GTF3A: variants seen among roughly 807,000 people sequenced by gnomAD.
GTF3A encodes general transcription factor IIIA.
GTF3A carries 40 observed loss-of-function variants against 37.6 expected under a neutral mutation model. The observed-to-expected ratio is 1.06, with a 90% CI of 0.83 to 1.38. The LOEUF (loss-of-function observed/expected upper bound fraction) is 1.38. Among genes scored for constraint, GTF3A ranks in the 40% most tolerant of loss-of-function variants. The pLI is 0.00. For missense variants in GTF3A, 500 were observed against 462.6 expected, an observed-to-expected ratio of 1.08 and a Z score of -0.74; for synonymous variants, 191 against 166.7, an observed-to-expected ratio of 1.15 and a Z score of -1.12.
chr13:27,434,977 G>A lies in GTF3A; in HGVS notation c.816G>A (p.Glu272=). Residue 272 remains glutamate, a synonymous_variant, in exon 7 of 9, where the codon GAG becomes GAA. Transcript: ENST00000381140. The stretch of plus-strand genomic sequence containing the variant: ...AAAGCCATATCCTCTCCTTCCATGA[G>A]GAAAGCCGCCCTTTTGTGTGTGAAC... 3 of 1,612,644 alleles carry A rather than the reference G, an allele frequency of 1.9e-6. No individual in the cohort carries two copies. Among genetic ancestry groups the A allele is most frequent in the Non-Finnish European group, 2.5e-6 (3 of 1,178,656 alleles).
Position 27,435,691 on chromosome 13 carries a change from T to A in GTF3A, c.*94T>A. 1 of 1,614,010 alleles carries A rather than the reference T, an allele frequency of 6.2e-7. No individual in the cohort carries two copies. On this transcript the variant is annotated 3_prime_UTR_variant, in exon 9 of 9. Transcript: ENST00000381140. Reference sequence around the variant, plus strand: ...TTATTAAAATTACTGATGCAGAACATTTGATTCCTTATCATTTCCATGGTC... The same window carrying A: ...TTATTAAAATTACTGATGCAGAACAATTGATTCCTTATCATTTCCATGGTC...
In GTF3A at chr13:27,434,641, A is replaced by G. The variant is rs142060662; in HGVS notation, c.644-164A>G. The stretch of plus-strand genomic sequence containing the variant: ...TTAAGAACTTCAGAGAATTGAGACA[A>G]ACTTCCTAGGTGATAAAAACTGGGG... On this transcript the variant is annotated intron_variant, in intron 6 of 8. Coordinates refer to ENST00000381140, the MANE Select transcript of GTF3A (RefSeq NM_002097.3). 1.8e-4 allele frequency: 107 copies of G among 585,316 alleles called. No homozygotes were observed. In the East Asian group the frequency reaches 2.9e-3, roughly 16 times the overall value. The allele number at this position is 585,316 out of a possible 1,614,324, so 36.3% of individuals were successfully genotyped here.
chr13:27,424,938 G>A lies in GTF3A; in HGVS notation c.201G>A (p.Glu67=). ...CGCACCTGTGCAAGCACACGGGGGA[G>A]GTGAGGGGGGCGAGGCTGCCAACCC... Residue 67 remains glutamate (E), a splice_region_variant and synonymous_variant, in exon 1 of 9, where the codon GAG becomes GAA. Coordinates refer to ENST00000381140, the MANE Select transcript of GTF3A (RefSeq NM_002097.3). 1 of 1,544,004 alleles carries A rather than the reference G, an allele frequency of 6.5e-7. No homozygotes were observed. Among genetic ancestry groups the A allele is most frequent in the South Asian group, 1.2e-5 (1 of 82,858 alleles).
chr13:27,433,539 T>TC (rs1953678467), intron 5 of GTF3A, among the ~76,000 whole-genome samples: 3 of 3,676 alleles, frequency 8.2e-4, no homozygotes, highest in African/African-American at 1.6e-3. Context: ...AAAAAAAACT[T>TC]TTTTTTTTTT....
chr13:27,429,867 CAGT>C lies in GTF3A; in HGVS notation c.303-2_303del. ...ATATTTTGGTTTATATAACTTCTTA[CAGT>C]TGTGCAGCCAATGGCTGTGATCAAA... On this transcript the variant is annotated splice_acceptor_variant and coding_sequence_variant, in exon 3 of 9. Coordinates refer to ENST00000381140, the MANE Select transcript of GTF3A (RefSeq NM_002097.3). LOFTEE classifies it high-confidence loss of function. 2 of 1,498,750 alleles carry C rather than the reference CAGT, an allele frequency of 1.3e-6. No homozygotes were observed. The highest frequency in any genetic ancestry group is 1.8e-6 in the Non-Finnish European group (2 of 1,120,966). 92.8% of individuals were successfully genotyped at this position (1,498,750 alleles called of 1,614,324 possible).
At position 27,427,147 on chromosome 13, in the gene GTF3A, A is replaced by G. The variant is rs192739102; in HGVS notation, c.257A>G (p.His86Arg). Reference sequence around the variant, plus strand: ...GGCAAGGCCTTCATCAGGGACTACCATCTGAGCCGCCACATTCTGACTCAC... The same window carrying G: ...GGCAAGGCCTTCATCAGGGACTACCGTCTGAGCCGCCACATTCTGACTCAC... The change falls in exon 2 of 9, where the codon CAT becomes CGT. Residue 86 changes from histidine to arginine, a missense_variant. His to Arg is a conservative substitution (Grantham distance 29). Transcript: ENST00000381140. The G allele has an allele frequency of 1.2e-6, 2 of 1,607,814 alleles. No homozygotes were observed. Among genetic ancestry groups the G allele is most frequent in the East Asian group, 2.2e-5 (1 of 44,840 alleles).
chr13:27,430,611 C>A lies in GTF3A; in HGVS notation c.478C>A (p.Pro160Thr). The change falls in exon 4 of 9, where the codon CCT (proline) becomes ACT (threonine). Residue 160 changes from proline to threonine, a missense_variant. Pro to Thr is a conservative substitution (Grantham distance 38). Transcript: ENST00000381140. ...CCATCAGTGCCAGCATACCAATGAA[C>A]CTCTATTCAAGTAGGTACTTCATGT... 1 of 1,603,338 alleles carries A rather than the reference C, an allele frequency of 6.2e-7. No individual in the cohort carries two copies. Among genetic ancestry groups the A allele is most frequent in the Non-Finnish European group, 8.5e-7 (1 of 1,170,646 alleles).
intron 1 of GTF3A, chr13:27,425,995 C>T (rs1197874601): frequency 6.5e-6 from 1 of 152,772 alleles, no homozygotes; most frequent in Non-Finnish European, 1.5e-5. Context: ...CCTCTTCTGC[C>T]CTCTGCATGT....
In GTF3A at chr13:27,434,807, G is replaced by A. The variant is rs761877457; in HGVS notation, c.646G>A (p.Glu216Lys). 36 of 1,594,748 alleles carry A rather than the reference G, an allele frequency of 2.3e-5. No individual in the cohort carries two copies. In the African/African-American group the frequency reaches 4.4e-4, roughly 20 times the overall value. The change falls in exon 7 of 9, where the codon GAA becomes AAA. Residue 216 changes from glutamate to lysine, a missense_variant and splice_region_variant. By Grantham distance (56) the Glu-to-Lys change is moderately conservative. Transcript: ENST00000381140. ...AATTTGTCTGTCTGTCCCACCAGAG[G>A]AAATACTATGTGAAGTATGCCGGAA... is the stretch of plus-strand genomic sequence containing the variant.
intron 1 of GTF3A, 57 bp from the exon 2 acceptor site, chr13:27,427,034 TA>T: frequency 1.1e-6 from 1 of 884,250 alleles, no homozygotes; most frequent in South Asian, 1.4e-5. Flanking sequence ...AGCTTTTAAA[TA>T]ATACCAGAGT....
Position 27,435,047 on chromosome 13 carries a change from C to T in GTF3A, c.873+13C>T. On this transcript the variant is annotated intron_variant, in intron 7 of 8. Transcript: ENST00000381140. ...ATTTGCAATGAAAGTAAGCACTCAC[C>T]CTCATACTCATGGTCCTATAGTCTA... The T allele has an allele frequency of 1.3e-6, 2 of 1,543,644 alleles. No homozygotes were observed. The highest frequency in any genetic ancestry group is 1.8e-6 in the Non-Finnish European group (2 of 1,115,756).
At chr13:27,425,030 C>T (rs1953592343) in intron 1 of GTF3A, 92 bp downstream of exon 1, 4 of 863,004 alleles carry the variant, frequency 4.6e-6, no homozygotes, top group Non-Finnish European at 7.0e-6. Flanking sequence ...GCAGGCCCCG[C>T]TGTGCAGCGC....
rs755515728 is a variant in GTF3A at position 27,434,192 on chromosome 13, C to G, written c.616C>G (p.Leu206Val). The change falls in exon 6 of 9, where the codon CTG (leucine) becomes GTG (valine). Residue 206 changes from leucine (L) to valine (V), a missense_variant. Coordinates refer to ENST00000381140, the MANE Select transcript of GTF3A (RefSeq NM_002097.3). ...TGTGGCAAAAACATGGACGGAACTTCTGAAACATGTGAGAGAAACCCATAA... is the reference window on the plus strand; with the variant it reads ...TGTGGCAAAAACATGGACGGAACTTGTGAAACATGTGAGAGAAACCCATAA... The G allele has an allele frequency of 2.2e-6, 3 of 1,371,302 alleles. No individual in the cohort carries two copies. The highest frequency in any genetic ancestry group is 2.8e-5 in the African/African-American group (2 of 70,334). The allele number at this position is 1,371,302 out of a possible 1,614,324, so 84.9% of individuals were successfully genotyped here.
At chr13:27,425,290 T>G (rs1032293650) in intron 1 of GTF3A, 2 of 257,008 alleles carry the variant, frequency 7.8e-6, no homozygotes, top group Non-Finnish European at 7.5e-6. Flanking sequence ...ATGGGTTACA[T>G]GTACCAGGGG....
Position 27,424,946 on chromosome 13 carries a change from G to A in GTF3A, c.201+8G>A, listed in dbSNP as rs756403773. The stretch of plus-strand genomic sequence containing the variant: ...TGCAAGCACACGGGGGAGGTGAGGG[G>A]GGCGAGGCTGCCAACCCTGGGCCTA... On this transcript the variant is annotated splice_region_variant and intron_variant, in intron 1 of 8. Transcript: ENST00000381140. 15 of 1,541,878 alleles carry A rather than the reference G, an allele frequency of 9.7e-6. No individual in the cohort carries two copies. The highest frequency in any genetic ancestry group is 1.3e-5 in the Non-Finnish European group (15 of 1,142,438).
intron 2 of GTF3A, among the ~76,000 whole-genome samples, chr13:27,427,798 A>G (rs926434402): frequency 5.3e-5 from 8 of 150,484 alleles, no homozygotes; most frequent in African/African-American, 1.7e-4. Flanking sequence ...TTTTGGGAGC[A>G]GTGGGGGATC....
At chr13:27,427,275 G>C (rs1237377589) in intron 2 of GTF3A, 83 bp downstream of exon 2, 1 of 735,906 alleles carries the variant, frequency 1.4e-6, no homozygotes, top group African/African-American at 1.7e-5. Context: ...GTTAACTCAC[G>C]AGATCAGGAA....
Position 27,427,129 on chromosome 13 carries a change from C to G in GTF3A, c.239C>G (p.Ala80Gly). 1 of 1,606,656 alleles carries G rather than the reference C, an allele frequency of 6.2e-7. No homozygotes were observed. The highest frequency in any genetic ancestry group is 8.5e-7 in the Non-Finnish European group (1 of 1,173,676). Residue 80 changes from alanine to glycine, a missense_variant, in exon 2 of 9, where the codon GCC becomes GGC. Ala to Gly is a moderately conservative substitution (Grantham distance 60). Transcript: ENST00000381140. ...TGTGACTATGAAGGGTGTGGCAAGG[C>G]CTTCATCAGGGACTACCATCTGAGC...
Position 27,424,771 on chromosome 13 carries a change from T to G in GTF3A, c.34T>G (p.Ser12Ala). ...GCCGGCCGTGGTCGCCGAGTCGGTGTCGTCCTTGACCATCGCCGACGCGTT... is the reference window on the plus strand; with the variant it reads ...GCCGGCCGTGGTCGCCGAGTCGGTGGCGTCCTTGACCATCGCCGACGCGTT... The change falls in exon 1 of 9, where the codon TCG becomes GCG. Residue 12 changes from serine (S) to alanine (A), a missense_variant. Transcript: ENST00000381140. The G allele has an allele frequency of 6.6e-7, 1 of 1,518,194 alleles. No individual in the cohort carries two copies. Among genetic ancestry groups the G allele is most frequent in the Non-Finnish European group, 8.8e-7 (1 of 1,133,394 alleles). 94.0% of individuals were successfully genotyped at this position (1,518,194 alleles called of 1,614,324 possible). A position where few individuals can be genotyped will look rare whatever the true frequency, so the allele number is the denominator to read the frequency against.
Sources: allele counts gnomAD v4.1 joint callset (sites outside exome capture counted in the v4.1 genomes callset), GRCh38; gene constraint gnomAD v4.1.1; transcripts MANE v1.5; gene names NCBI Gene and HGNC (gene_info 2026-07-23, HGNC 2026-07-21).